The following SNX24 variants were observed in gnomAD, a reference collection of about 807,000 sequenced individuals.
SNX24 encodes the protein sorting nexin 24.
SNX24 carries 22 observed loss-of-function variants against 28.7 expected under a neutral mutation model. The ratio of observed to expected loss-of-function variants is 0.77; its 90% confidence interval spans 0.55 to 1.10. The LOEUF is 1.10. SNX24 is among the 50% of genes least tolerant of loss of function. SNX24 has a pLI of 0.00. For missense variants in SNX24, 221 were observed against 201.1 expected, an observed-to-expected ratio of 1.10 and a Z score of -0.60; for synonymous variants, 69 against 71.5, an observed-to-expected ratio of 0.96 and a Z score of 0.18.
chr5:122,998,221 C>T (rs1031070561), intron 3 of SNX24: 4 of 151,864 alleles, frequency 2.6e-5, no homozygotes, highest in African/African-American at 4.8e-5. Context: ...AAAGTAAACA[C>T]ATACACACAC....
chr5:122,958,362 T>G (rs1262066144), intron 3 of SNX24, among the ~76,000 whole-genome samples: 1 of 152,146 alleles, frequency 6.6e-6, no homozygotes, highest in Non-Finnish European at 1.5e-5. Context: ...CAAGCGATTC[T>G]CCTGCCTCAG....
chr5:122,888,987 G>T (rs1051154534), intron 1 of SNX24, among the ~76,000 whole-genome samples: 12 of 152,048 alleles, frequency 7.9e-5, no homozygotes, highest in African/African-American at 2.9e-4. Context: ...GAGTAGCTGG[G>T]ATTTACAGGC....
At chr5:122,870,286 G>C (rs1581689051) in intron 1 of SNX24, among the ~76,000 whole-genome samples, 1 of 152,254 alleles carries the variant, frequency 6.6e-6, no homozygotes, top group East Asian at 1.9e-4. Flanking sequence ...TTTGCATCCC[G>C]AGGAGCTGTA....
chr5:122,979,116 C>G (rs910492989), intron 3 of SNX24, among the ~76,000 whole-genome samples: 2 of 152,188 alleles, frequency 1.3e-5, no homozygotes, highest in African/African-American at 4.8e-5. Flanking sequence ...GTAGTACCCC[C>G]ACCATTTGCC....
At chr5:122,900,145 G>T (rs1162048482) in intron 1 of SNX24, among the ~76,000 whole-genome samples, 3 of 151,364 alleles carry the variant, frequency 2.0e-5, no homozygotes, top group Non-Finnish European at 4.4e-5. Flanking sequence ...TCAGACTCCT[G>T]AGTAGCTGGG....
At chr5:122,877,597 C>T (rs767761650) in intron 1 of SNX24, among the ~76,000 whole-genome samples, 4 of 152,164 alleles carry the variant, frequency 2.6e-5, no homozygotes, top group Non-Finnish European at 5.9e-5. Flanking sequence ...TCACTCTCTA[C>T]TCAGCACCTC....
At chr5:122,879,953 G>C (rs1039651604) in intron 1 of SNX24, among the ~76,000 whole-genome samples, 1 of 152,288 alleles carries the variant, frequency 6.6e-6, no homozygotes, top group East Asian at 1.9e-4. Flanking sequence ...AATTTTAAAA[G>C]AAAATGTTTA....
chr5:122,962,479 A>G (rs1760524763), intron 3 of SNX24, among the ~76,000 whole-genome samples: 1 of 152,228 alleles, frequency 6.6e-6, no homozygotes, highest in Non-Finnish European at 1.5e-5. Context: ...GAAACCATCT[A>G]TACGTATTAT....
At chr5:122,898,598 G>A (rs991773114) in intron 1 of SNX24, among the ~76,000 whole-genome samples, 4 of 152,074 alleles carry the variant, frequency 2.6e-5, no homozygotes, top group African/African-American at 9.7e-5. Context: ...AAGGAGAAGT[G>A]TTGTTGTATA....
At chr5:123,003,281 G>C (rs1038351823) in intron 6 of SNX24, among the ~76,000 whole-genome samples, 4 of 152,152 alleles carry the variant, frequency 2.6e-5, no homozygotes, top group Admixed American at 2.0e-4. Context: ...TGCCTTTGCT[G>C]TATAGGAATA....
chr5:122,859,663 A>G (rs1561514833), intron 1 of SNX24, among the ~76,000 whole-genome samples: 1 of 152,158 alleles, frequency 6.6e-6, no homozygotes, highest in Admixed American at 6.6e-5. Flanking sequence ...ATTTGAGGAT[A>G]TTTATTCTGA....
At chr5:122,972,838 G>T (rs1761011262) in intron 3 of SNX24, among the ~76,000 whole-genome samples, 1 of 152,196 alleles carries the variant, frequency 6.6e-6, no homozygotes, top group Non-Finnish European at 1.5e-5. Flanking sequence ...CCCAAGGAAT[G>T]GTGCCATATC....
At chr5:122,950,734 T>A (rs1013927175) in intron 3 of SNX24, among the ~76,000 whole-genome samples, 1 of 152,172 alleles carries the variant, frequency 6.6e-6, no homozygotes. Flanking sequence ...AATCAAAGCC[T>A]GCTCCTGAAG....
rs1028205414 is a variant in SNX24, at chr5:123,009,168, T to C, written c.*1419T>C. ...ATTTTTTTAAAATGTTTTTATGTTA[T>C]TAGCTATTTGGAGTTAAATAAAAAC... On this transcript the variant is annotated 3_prime_UTR_variant, in exon 7 of 7. Transcript: ENST00000261369. 1.0e-6 allele frequency: 1 copy of C among 983,662 alleles called. No individual in the cohort carries two copies. Among genetic ancestry groups the C allele is most frequent in the African/African-American group, 1.7e-5 (1 of 57,308 alleles). The allele number at this position is 983,662 out of a possible 1,614,324, so 60.9% of individuals were successfully genotyped here. A position where few individuals can be genotyped will look rare whatever the true frequency, so the allele number is the denominator to read the frequency against.
intron 1 of SNX24, among the ~76,000 whole-genome samples, chr5:122,889,456 T>C (rs1756855724): frequency 6.6e-6 from 1 of 151,964 alleles, no homozygotes; most frequent in African/African-American, 2.4e-5. Flanking sequence ...GAAACGCTCA[T>C]TGAAACATTT....
intron 1 of SNX24, 152 bp downstream of exon 1, chr5:122,845,845 C>T: frequency 2.3e-6 from 1 of 435,872 alleles, no homozygotes; most frequent in Non-Finnish European, 3.7e-6. Flanking sequence ...GCGCCCTTGG[C>T]GCGGTTGTCA....
intron 1 of SNX24, among the ~76,000 whole-genome samples, chr5:122,877,017 TGA>T (rs1756254562): frequency 6.6e-6 from 1 of 152,194 alleles, no homozygotes; most frequent in African/African-American, 2.4e-5. Flanking sequence ...AGGAGGTCCC[TGA>T]GGAGGACTAC....
chr5:122,932,594 G>C (rs1261883715), intron 1 of SNX24, among the ~76,000 whole-genome samples: 1 of 152,340 alleles, frequency 6.6e-6, no homozygotes, highest in African/African-American at 2.4e-5. Flanking sequence ...TTTTAGCCGG[G>C]TGCAGTGGCT....
intron 1 of SNX24, among the ~76,000 whole-genome samples, chr5:122,922,505 AG>A (rs1354074258): frequency 1.8e-4 from 28 of 151,608 alleles, no homozygotes; most frequent in Non-Finnish European, 5.9e-5. Context: ...CACCCACCTC[AG>A]CCTCCCAAAG....
Sources: gnomAD v4.1 joint callset for allele counts (sites outside exome capture counted in the v4.1 genomes callset) on GRCh38, gnomAD v4.1.1 for gene constraint, MANE v1.5 for transcripts, NCBI Gene and HGNC (gene_info 2026-07-23, HGNC 2026-07-21) for gene names.